The following MROH1 variants were observed in gnomAD, a reference collection of about 807,000 sequenced individuals.
The protein encoded by MROH1 is maestro heat like repeat family member 1.
MROH1 carries 117 observed loss-of-function variants against 116.5 expected under a neutral mutation model. The observed-to-expected ratio is 1.00, with a 90% CI of 0.86 to 1.17. The LOEUF (loss-of-function observed/expected upper bound fraction) is 1.17. Ranked by LOEUF, MROH1 falls within the 50% of genes most tolerant of loss-of-function variation. The probability of loss-of-function intolerance (pLI) is 0.00; values close to 1 mark genes in which losing one functional copy is unlikely to be tolerated. For synonymous variants in MROH1, 921 were observed against 583.9 expected (o/e 1.58, Z -8.32); for missense variants, 1,873 against 1,338.5 (o/e 1.40, Z -6.23).
Position 144,223,416 on chromosome 8 carries a change from G to A in MROH1, c.1338+186G>A, listed in dbSNP as rs1292731445. On this transcript the variant is annotated intron_variant, in intron 14 of 43. Coordinates refer to ENST00000326134, the MANE Select transcript of MROH1 (RefSeq NM_032450.3). ...TCTTGCTTCTGTGGCCCAGGCTGGA[G>A]TGCAGTGGCTGTTCTCAGGTGTGAT... 2.6e-5 allele frequency among the ~76,000 whole-genome samples: 4 copies of A among 152,094 alleles called. No homozygotes were observed. In the East Asian group the frequency reaches 5.8e-4, roughly 22 times the overall value.
chr8:144,192,465 A>G, intron 10 of MROH1, 64 bp downstream of exon 10: 1 of 1,435,454 alleles, frequency 7.0e-7, no homozygotes, highest in Non-Finnish European at 9.5e-7. Flanking sequence ...AAGTTGCTGG[A>G]CAAGGGGTGC....
At chr8:144,249,195 C>G (rs1376809023) in intron 32 of MROH1, among the ~76,000 whole-genome samples, 166 bp downstream of exon 32, 1 of 152,164 alleles carries the variant, frequency 6.6e-6, no homozygotes, top group Non-Finnish European at 1.5e-5. Context: ...CAGCCCTCCT[C>G]GGGTGTGACC....
intron 4 of MROH1, among the ~76,000 whole-genome samples, chr8:144,176,825 C>G (rs1278163135): frequency 1.8e-5 from 1 of 54,466 alleles, no homozygotes; most frequent in Non-Finnish European, 4.6e-5. Flanking sequence ...GAGACTCTGT[C>G]TCAAAAAAAA....
Position 144,156,461 on chromosome 8 carries a change from CTT to C in MROH1, c.-176-4507_-176-4506del, listed in dbSNP as rs1818113326. On this transcript the variant is annotated intron_variant, in intron 1 of 43. Transcript: ENST00000326134. ...GTGGCTCACACCTATAATCCCAGCA[CTT>C]TGGGAGGCCGAGGCCGGCGGATTGC... 2.6e-5 allele frequency among the ~76,000 whole-genome samples: 4 copies of C among 151,322 alleles called. No individual in the cohort carries two copies. The South Asian group carries it at 8.4e-4, about 32-fold the overall frequency.
intron 33 of MROH1, chr8:144,252,033 C>CTGGGTG (rs1842923120): frequency 4.7e-6 from 1 of 212,768 alleles, no homozygotes; most frequent in African/African-American, 2.4e-5. Flanking sequence ...CCGGGTAGTG[C>CTGGGTG]CGGGTGCTGC....
rs560013914 is a variant in MROH1 at position 144,186,830 on chromosome 8, C to T, written c.563-3954C>T. On this transcript the variant is annotated intron_variant, in intron 7 of 43. Transcript: ENST00000326134. ...AGGCTAGGCCGGGCGCGGTGGCTCA[C>T]GCCTATAATCCTAGCACTTTGGGAG... Among the ~76,000 whole-genome samples the T allele has an allele frequency of 3.5e-4, 53 of 152,334 alleles. No individual in the cohort carries two copies. The East Asian group carries it at 9.1e-3, about 26-fold the overall frequency.
At chr8:144,191,584 G>A (rs1828611049) in intron 8 of MROH1, 131 bp from the exon 9 acceptor site, 12 of 1,248,876 alleles carry the variant, frequency 9.6e-6, no homozygotes, top group Admixed American at 4.4e-5. Flanking sequence ...CTAGGCTCAC[G>A]TCCCAGCCCC....
At position 144,200,423 on chromosome 8, in the gene MROH1, T is replaced by C; in HGVS notation, c.1028-5T>C. ...GGAGCCTAATCTGTACCCGTTGCCC[T>C]GTAGCCTGCAGCTCGCCTGACCGCC... is the stretch of plus-strand genomic sequence containing the variant. On this transcript the variant is annotated splice_region_variant and splice_polypyrimidine_tract_variant and intron_variant, in intron 11 of 43. Coordinates refer to ENST00000326134, the MANE Select transcript of MROH1 (RefSeq NM_032450.3). 6.5e-7 allele frequency: 1 copy of C among 1,546,878 alleles called. No homozygotes were observed.
chr8:144,260,972 C>G lies in MROH1; in HGVS notation c.4602C>G (p.Phe1534Leu). 1.3e-6 allele frequency: 1 copy of G among 777,654 alleles called. No homozygotes were observed. The highest frequency in any genetic ancestry group is 1.7e-5 in the Admixed American group (1 of 59,028). 48.2% of individuals were successfully genotyped at this position (777,654 alleles called of 1,614,324 possible). Residue 1534 changes from phenylalanine to leucine, a missense_variant, in exon 41 of 44, where the codon TTC becomes TTG. Phe to Leu is a conservative substitution (Grantham distance 22). Coordinates refer to ENST00000326134, the MANE Select transcript of MROH1 (RefSeq NM_032450.3). The part of the protein sequence containing the change: ...NLACEELSAA[F>L]QKHLQEGRAL... Reference sequence around the variant, plus strand: ...CATGTGAGGAGCTCTCAGCTGCTTTCCAGAAACACCTGCAGGAGGGCCGAG... The same window carrying G: ...CATGTGAGGAGCTCTCAGCTGCTTTGCAGAAACACCTGCAGGAGGGCCGAG...
intron 1 of MROH1, among the ~76,000 whole-genome samples, chr8:144,160,331 T>C (rs1819206599): frequency 6.6e-6 from 1 of 152,192 alleles, no homozygotes; most frequent in Non-Finnish European, 1.5e-5. Flanking sequence ...CTTTCCACAC[T>C]TTCCACTCCG....
chr8:144,242,964 G>C (rs887942059), intron 24 of MROH1, among the ~76,000 whole-genome samples: 1 of 148,554 alleles, frequency 6.7e-6, no homozygotes, highest in African/African-American at 2.5e-5. Context: ...GTACCTCCCC[G>C]GACCCCAGTG....
At chr8:144,158,665 A>G (rs1163942806) in intron 1 of MROH1, among the ~76,000 whole-genome samples, 1 of 152,008 alleles carries the variant, frequency 6.6e-6, no homozygotes, top group African/African-American at 2.4e-5. Context: ...GATTTCTCAG[A>G]TATCTTTCTC....
chr8:144,230,635 C>T (rs1269720339), intron 14 of MROH1, among the ~76,000 whole-genome samples: 1 of 151,232 alleles, frequency 6.6e-6, no homozygotes, highest in Non-Finnish European at 1.5e-5. Context: ...GCTTTAGTAT[C>T]AGGGTAATGC....
chr8:144,190,615 GGGA>G (rs1269666683), intron 7 of MROH1, among the ~76,000 whole-genome samples, 166 bp from the exon 8 acceptor site: 1 of 152,190 alleles, frequency 6.6e-6, no homozygotes, highest in Admixed American at 6.6e-5. Context: ...TGAATTTGGA[GGGA>G]CACTTTTCAT....
intron 12 of MROH1, among the ~76,000 whole-genome samples, chr8:144,204,097 A>C (rs1440318965): frequency 6.6e-6 from 1 of 152,202 alleles, no homozygotes; most frequent in Non-Finnish European, 1.5e-5. Context: ...ACATCAGCAC[A>C]TATACATCTG....
chr8:144,171,206 G>T (rs974584096), intron 4 of MROH1, among the ~76,000 whole-genome samples: 1 of 152,214 alleles, frequency 6.6e-6, no homozygotes, highest in African/African-American at 2.4e-5. Context: ...TGTGGCCTGT[G>T]CTTCTGACCG....
chr8:144,168,600 G>A (rs943050239), intron 4 of MROH1, among the ~76,000 whole-genome samples, 160 bp downstream of exon 4: 2 of 152,154 alleles, frequency 1.3e-5, no homozygotes, highest in African/African-American at 4.8e-5. Flanking sequence ...GTCAGGGTGG[G>A]TAACCTGCCT....
chr8:144,210,030 C>T (rs960976881), intron 12 of MROH1, among the ~76,000 whole-genome samples: 7 of 152,144 alleles, frequency 4.6e-5, no homozygotes, highest in South Asian at 2.1e-4. Context: ...AAGTTGCCAC[C>T]GAGACGCCCC....
At chr8:144,240,796 C>T (rs938471152) in intron 20 of MROH1, 119 bp downstream of exon 20, 4 of 684,924 alleles carry the variant, frequency 5.8e-6, no homozygotes, top group Non-Finnish European at 5.3e-6. Context: ...GCAGAGCCTC[C>T]TTGTGGTGGC....
Sources: gnomAD v4.1 joint callset for allele counts (sites outside exome capture counted in the v4.1 genomes callset) on GRCh38, gnomAD v4.1.1 for gene constraint, MANE v1.5 for transcripts, NCBI Gene and HGNC (gene_info 2026-07-23, HGNC 2026-07-21) for gene names.